The following RYR3 variants were observed in gnomAD, a reference collection of about 807,000 sequenced individuals.
RYR3 encodes brain ryanodine receptor-calcium release channel.
In RYR3, 207 loss-of-function variants were observed where a neutral mutation model predicts 584.3. The observed-to-expected ratio is 0.35, with a 90% confidence interval of 0.32 to 0.40. The LOEUF (loss-of-function observed/expected upper bound fraction) is 0.40, where lower values mean the gene tolerates loss of function less well. Among genes scored for constraint, RYR3 ranks in the 10% least tolerant of loss-of-function variants. The pLI, the probability that RYR3 is intolerant of heterozygous loss-of-function variation, is 1.00. For synonymous variants in RYR3, 2,416 were observed against 2,248.5 expected, an observed-to-expected ratio of 1.07 and a Z score of -2.11; for missense variants, 5,616 against 6,089.2, an observed-to-expected ratio of 0.92 and a Z score of 2.59.
chr15:33,641,469 A>G (rs1265352701), intron 27 of RYR3, among the ~76,000 whole-genome samples: 2 of 152,314 alleles, frequency 1.3e-5, no homozygotes, highest in African/African-American at 4.8e-5. Context: ...AAGAGTTATA[A>G]AGTTACAAGA....
rs749067633 is a variant in RYR3 at position 33,853,105 on chromosome 15, G to C, written c.13671+18G>C. On this transcript the variant is annotated intron_variant, in intron 95 of 103. Transcript: ENST00000634891. The stretch of plus-strand genomic sequence containing the variant: ...AGAGAAAGGTATGCCTTGTTAGTGG[G>C]GGTGAGTTCCGTGATCACCAAAAAA... 1.3e-6 allele frequency: 2 copies of C among 1,573,616 alleles called. No individual in the cohort carries two copies. Among genetic ancestry groups the C allele is most frequent in the East Asian group, 4.5e-5 (2 of 43,968 alleles).
chr15:33,838,056 G>A lies in RYR3; in HGVS notation c.12076G>A (p.Glu4026Lys), dbSNP rs573502706. The A allele has an allele frequency of 8.1e-6, 13 of 1,613,928 alleles. No homozygotes were observed. In the East Asian group the frequency reaches 8.9e-5, roughly 11 times the overall value. ...AGCAGAAAGTGTGCTAAATTACTTC[G>A]AACCCTACCTAGGACGCATCGAGAT... ...DPAESVLNYF[E>K]PYLGRIEIMG... The change falls in exon 89 of 104, where the codon GAA becomes AAA. Residue 4026 changes from glutamate (E) to lysine (K), a missense_variant. Physicochemically the swap from Glu to Lys is moderately conservative, Grantham distance 56. This residue lies in a region of RYR3 where 258 missense variants were observed against 297.3 expected (regional missense o/e 0.87). Coordinates refer to ENST00000634891, the MANE Select transcript of RYR3 (RefSeq NM_001036.6).
In RYR3 at chr15:33,800,847, G is replaced by C. The variant is rs761371072; in HGVS notation, c.9908G>C (p.Cys3303Ser). The C allele has an allele frequency of 3.1e-6, 5 of 1,611,456 alleles. No individual in the cohort carries two copies. The East Asian group carries it at 8.9e-5, about 29-fold the overall frequency. ...GTGGCAGAAGTCTTCATTCTGTGGTGTAAATCTCATGTAAGAACACATTTG... is the reference window on the plus strand; with the variant it reads ...GTGGCAGAAGTCTTCATTCTGTGGTCTAAATCTCATGTAAGAACACATTTG... Reference protein sequence around the residue: ...RMVAEVFILWCKSHNFKREEQ... With the variant: ...RMVAEVFILWSKSHNFKREEQ... Residue 3303 changes from cysteine (C) to serine (S), a missense_variant, in exon 68 of 104, where the codon TGT becomes TCT. Cys to Ser is a moderately radical substitution (Grantham distance 112). Around this residue, in one of 9 missense-constraint regions of RYR3, gnomAD observed 954 missense variants for 1,132.2 expected, o/e 0.84. Transcript: ENST00000634891.
At chr15:33,601,300 C>T in intron 16 of RYR3, 119 bp from the exon 17 acceptor site, 1 of 986,530 alleles carries the variant, frequency 1.0e-6, no homozygotes, top group Non-Finnish European at 1.5e-6. Flanking sequence ...TCTGAGCTGG[C>T]TCTCTACCCG....
chr15:33,581,432 C>CA lies in RYR3; in HGVS notation c.1438-75dup, dbSNP rs2058586076. ...TTTCAGCTTTAAAAGGTGAATGATA[C>CA]AGGAGGGGAAAGAGCATAAGGGACT... is the stretch of plus-strand genomic sequence containing the variant. On this transcript the variant is annotated intron_variant, in intron 13 of 103. Coordinates refer to ENST00000634891, the MANE Select transcript of RYR3 (RefSeq NM_001036.6). The CA allele has an allele frequency of 5.5e-5, 78 of 1,421,978 alleles. 1 individual carries two copies. The South Asian group carries it at 9.5e-4, about 17-fold the overall frequency. 88.1% of individuals were successfully genotyped at this position (1,421,978 alleles called of 1,614,324 possible).
At chr15:33,415,722 T>A (rs187176761) in intron 1 of RYR3, among the ~76,000 whole-genome samples, 6 of 152,240 alleles carry the variant, frequency 3.9e-5, no homozygotes, top group African/African-American at 9.6e-5. Flanking sequence ...TTTAAAAAAA[T>A]TTAGATTTGA....
At chr15:33,755,328 A>G in intron 58 of RYR3, 148 bp downstream of exon 58, 1 of 638,084 alleles carries the variant, frequency 1.6e-6, no homozygotes, top group South Asian at 1.9e-5. Context: ...CAACTTAAAA[A>G]AAATCAATCC....
At chr15:33,856,296 C>G (rs1023728841) in intron 98 of RYR3, 3 of 152,372 alleles carry the variant, frequency 2.0e-5, no homozygotes, top group South Asian at 2.1e-4. Flanking sequence ...TCCTCTGGTG[C>G]TGATCTTCAC....
Position 33,543,724 on chromosome 15 carries a change from G to C in RYR3, c.740+9G>C. The C allele has an allele frequency of 1.3e-6, 2 of 1,548,034 alleles. No homozygotes were observed. The highest frequency in any genetic ancestry group is 2.2e-5 in the South Asian group (2 of 89,750). Reference sequence around the variant, plus strand: ...AATGATTCCCAGCACAGGTAAGTCAGTAGCTGCATTCTTCCACTAGCTGTT... The same window carrying C: ...AATGATTCCCAGCACAGGTAAGTCACTAGCTGCATTCTTCCACTAGCTGTT... On this transcript the variant is annotated intron_variant, in intron 8 of 103. Coordinates refer to ENST00000634891, the MANE Select transcript of RYR3 (RefSeq NM_001036.6).
intron 1 of RYR3, among the ~76,000 whole-genome samples, chr15:33,402,492 C>T (rs1051764367): frequency 6.6e-6 from 1 of 152,234 alleles, no homozygotes; most frequent in Non-Finnish European, 1.5e-5. Context: ...TCACACTTCT[C>T]ATGTAAATTC....
chr15:33,531,218 G>A (rs1015057934), intron 4 of RYR3, among the ~76,000 whole-genome samples: 6 of 152,268 alleles, frequency 3.9e-5, no homozygotes, highest in African/African-American at 1.2e-4. Flanking sequence ...GTCACAGAAA[G>A]CTGCATGGCT....
chr15:33,565,223 C>T (rs112648205), intron 11 of RYR3, among the ~76,000 whole-genome samples: 3,537 of 152,276 alleles, frequency 0.023, 52 homozygotes, highest in Non-Finnish European at 0.036. Flanking sequence ...CTAAGAATTT[C>T]GGTCTTTAAG....
intron 75 of RYR3, among the ~76,000 whole-genome samples, chr15:33,817,294 C>T (rs144578612): frequency 5.3e-5 from 8 of 152,322 alleles, no homozygotes; most frequent in African/African-American, 1.2e-4. Flanking sequence ...CAAAGCCCCA[C>T]GTTCCTACTC....
Position 33,731,500 on chromosome 15 carries a change from G to C in RYR3, c.7230G>C (p.Ala2410=). The change falls in exon 48 of 104, where the codon GCG becomes GCC. Residue 2410 remains alanine, a synonymous_variant. Coordinates refer to ENST00000634891, the MANE Select transcript of RYR3 (RefSeq NM_001036.6). ...DTVSLSTTEA[A]LALNRYICSA... is the part of the protein sequence containing the mutation. ...TTTCCCTAAGCACCACAGAGGCTGC[G>C]CTTGCACTAAATAGGTATATATGTT... 1.9e-6 allele frequency: 3 copies of C among 1,612,976 alleles called. No individual in the cohort carries two copies. Among genetic ancestry groups the C allele is most frequent in the Non-Finnish European group, 2.5e-6 (3 of 1,179,464 alleles).
intron 98 of RYR3, chr15:33,855,935 C>T (rs916565813): frequency 4.6e-5 from 7 of 152,164 alleles, no homozygotes; most frequent in African/African-American, 1.7e-4. Context: ...CTGTGTATGA[C>T]AGACAGGCTT....
At chr15:33,620,628 G>A (rs148012059) in intron 19 of RYR3, among the ~76,000 whole-genome samples, 5 of 152,282 alleles carry the variant, frequency 3.3e-5, no homozygotes, top group Non-Finnish European at 5.9e-5. Context: ...TCTTTCAGTC[G>A]TTCCCTTCAA....
chr15:33,467,876 G>T (rs2048611252), intron 1 of RYR3, among the ~76,000 whole-genome samples: 1 of 152,194 alleles, frequency 6.6e-6, no homozygotes, highest in South Asian at 2.1e-4. Context: ...CACTCTGGCT[G>T]CTCTCTTTGG....
Position 33,540,854 on chromosome 15 carries a change from G to A in RYR3, c.610G>A (p.Val204Ile). 1.2e-6 allele frequency: 2 copies of A among 1,612,844 alleles called. No homozygotes were observed. Among genetic ancestry groups the A allele is most frequent in the Non-Finnish European group, 8.5e-7 (1 of 1,179,004 alleles). ...DASFMQTLWN[V>I]HPTCSGSSIE... ...CTCCTTTATGCAAACACTCTGGAAT[G>A]TACATCCTACGTGCTCAGGAAGTAG... The change falls in exon 7 of 104, where the codon GTA becomes ATA. Residue 204 changes from valine (V) to isoleucine (I), a missense_variant. Val to Ile is a conservative substitution (Grantham distance 29, BLOSUM62 3). Transcript: ENST00000634891.
chr15:33,796,626 T>C (rs1025875931), intron 67 of RYR3, among the ~76,000 whole-genome samples: 1 of 152,230 alleles, frequency 6.6e-6, no homozygotes, highest in Non-Finnish European at 1.5e-5. Context: ...GTACATTGTT[T>C]AGTGGCAAAG....
Sources: gnomAD v4.1 joint callset for allele counts (sites outside exome capture counted in the v4.1 genomes callset) on GRCh38, gnomAD v4.1.1 for gene constraint, gnomAD v4.1.1 regional missense constraint, MANE v1.5 for transcripts, NCBI Gene and HGNC (gene_info 2026-07-23, HGNC 2026-07-21) for gene names.